Variants in SPMIP2 observed in about 807,000 individuals in gnomAD.
SPMIP2 encodes protein SPMIP2.
At chr4:159,010,006 C>G in the SPMIP2 span, among the ~76,000 whole-genome samples, 2 of 151,940 alleles carry the variant, frequency 1.3e-5, no homozygotes, top group African/African-American at 4.8e-5. Context: ...AAAACAAAAA[C>G]AAAAACAAAA....
At chr4:159,019,642 G>C in the SPMIP2 span, among the ~76,000 whole-genome samples, 1 of 152,156 alleles carries the variant, frequency 6.6e-6, no homozygotes, top group Non-Finnish European at 1.5e-5. Context: ...GCTCAACCCA[G>C]TTTTAGCACT....
At chr4:159,017,356 T>TACACATACACAC in the SPMIP2 span, among the ~76,000 whole-genome samples, 7 of 149,414 alleles carry the variant, frequency 4.7e-5, no homozygotes, top group East Asian at 2.0e-4. Flanking sequence ...CACAAACACA[T>TACACATACACAC]ACACACACAC....
At chr4:158,893,748 A>G in the SPMIP2 span, 1 of 1,492,044 alleles carries the variant, frequency 6.7e-7, no homozygotes, top group Non-Finnish European at 9.2e-7. Flanking sequence ...ATTAGACTTC[A>G]TAGTTTACTT....
chr4:158,917,036 G>A, the SPMIP2 span, among the ~76,000 whole-genome samples: 1 of 152,128 alleles, frequency 6.6e-6, no homozygotes, highest in African/African-American at 2.4e-5. Context: ...AGAACACGAG[G>A]TCAGGGGATC....
At chr4:158,911,672 G>T in the SPMIP2 span, among the ~76,000 whole-genome samples, 50 of 152,226 alleles carry the variant, frequency 3.3e-4, no homozygotes, top group Middle Eastern at 0.014. Context: ...GCATTTCCTG[G>T]GAGCTTGACA....
the SPMIP2 span, among the ~76,000 whole-genome samples, chr4:158,911,581 G>C: frequency 2.7e-4 from 4 of 14,678 alleles, no homozygotes; most frequent in Non-Finnish European, 4.1e-4. Flanking sequence ...CAAGTCCCCC[G>C]TTCCTAGCAC....
the SPMIP2 span, among the ~76,000 whole-genome samples, chr4:158,993,671 C>T: frequency 2.0e-5 from 3 of 151,430 alleles, no homozygotes; most frequent in African/African-American, 4.8e-5. Flanking sequence ...AGGCCGCTGC[C>T]TTTATGAAAC....
chr4:158,893,696 T>G, the SPMIP2 span: 1 of 1,589,546 alleles, frequency 6.3e-7, no homozygotes. Context: ...TTATGCTGAT[T>G]TAGAGGTTAA....
At chr4:158,989,080 T>A in the SPMIP2 span, among the ~76,000 whole-genome samples, 1 of 152,118 alleles carries the variant, frequency 6.6e-6, no homozygotes, top group Non-Finnish European at 1.5e-5. Flanking sequence ...AGCATTCCTG[T>A]ACACCAATAA....
the SPMIP2 span, among the ~76,000 whole-genome samples, chr4:159,030,608 T>C: frequency 6.6e-6 from 1 of 152,040 alleles, no homozygotes; most frequent in Non-Finnish European, 1.5e-5. Flanking sequence ...GCAATTCTCA[T>C]GCCTCAGCCT....
the SPMIP2 span, among the ~76,000 whole-genome samples, chr4:159,022,630 T>G: frequency 1.3e-5 from 2 of 152,172 alleles, no homozygotes; most frequent in Non-Finnish European, 2.9e-5. Flanking sequence ...TCTGCATTCT[T>G]AAGTGTCTCC....
the SPMIP2 span, chr4:158,904,407 A>G: frequency 1.1e-5 from 15 of 1,379,330 alleles, no homozygotes; most frequent in South Asian, 1.7e-4. Flanking sequence ...AAGAAATAAT[A>G]CTTTCTCATA....
At chr4:158,958,900 A>G in the SPMIP2 span, among the ~76,000 whole-genome samples, 1 of 152,230 alleles carries the variant, frequency 6.6e-6, no homozygotes, top group Non-Finnish European at 1.5e-5. Context: ...TTAAACAAAA[A>G]TTCTAGCTAT....
the SPMIP2 span, among the ~76,000 whole-genome samples, chr4:158,997,658 T>C: frequency 2.6e-5 from 4 of 152,090 alleles, no homozygotes; most frequent in African/African-American, 9.7e-5. Flanking sequence ...TTAGTTGTTG[T>C]TGTTATTGTT....
chr4:159,026,953 C>T, the SPMIP2 span, among the ~76,000 whole-genome samples: 4 of 150,912 alleles, frequency 2.7e-5, no homozygotes, highest in Admixed American at 2.0e-4. Flanking sequence ...CCTTAGAAGT[C>T]CTCTTCTAAG....
chr4:159,004,667 T>C, the SPMIP2 span, among the ~76,000 whole-genome samples: 2 of 152,162 alleles, frequency 1.3e-5, no homozygotes, highest in Non-Finnish European at 2.9e-5. Flanking sequence ...TACCTGATTA[T>C]AAATAATAAT....
the SPMIP2 span, among the ~76,000 whole-genome samples, chr4:158,932,577 A>T: frequency 1.4e-4 from 22 of 151,958 alleles, no homozygotes; most frequent in African/African-American, 5.1e-4. Flanking sequence ...TGTTTTTTTC[A>T]CCTTGTGTAT....
At chr4:158,982,450 C>A in the SPMIP2 span, among the ~76,000 whole-genome samples, 1 of 152,162 alleles carries the variant, frequency 6.6e-6, no homozygotes. Context: ...AGCACTATTT[C>A]TAAAATTGAT....
chr4:158,895,564 T>A, the SPMIP2 span, among the ~76,000 whole-genome samples: 4 of 152,238 alleles, frequency 2.6e-5, no homozygotes, highest in Non-Finnish European at 5.9e-5. Context: ...AAACTTTGTT[T>A]TACAAGAACC....
Sources: allele counts gnomAD v4.1 joint callset (sites outside exome capture counted in the v4.1 genomes callset), GRCh38; gene constraint gnomAD v4.1.1; transcripts MANE v1.5; gene names NCBI Gene and HGNC (gene_info 2026-07-23, HGNC 2026-07-21).